SLIT1: variants seen among roughly 807,000 people sequenced by gnomAD.
The protein encoded by SLIT1 is slit homolog 1 protein.
SLIT1 carries 66 observed loss-of-function variants against 186.1 expected under a neutral mutation model. The observed-to-expected ratio is 0.35, with a 90% CI of 0.29 to 0.44. SLIT1 has a LOEUF of 0.44. Among genes scored for constraint, SLIT1 ranks in the 20% least tolerant of loss-of-function variants. The pLI, the probability that SLIT1 is intolerant of heterozygous loss-of-function variation, is 1.00. For synonymous variants in SLIT1, 761 were observed against 833.8 expected (o/e 0.91, Z 1.50); for missense variants, 1,638 against 2,037.4 (o/e 0.80, Z 3.77).
At chr10:97,048,034 A>G (rs1848750544) in intron 14 of SLIT1, 38 bp from the exon 15 acceptor site, 6 of 1,612,136 alleles carry the variant, frequency 3.7e-6, no homozygotes, top group Admixed American at 3.3e-5. Context: ...TGCAGGAATC[A>G]GCCAGGACCT....
chr10:97,036,674 G>C (rs1172610105), intron 22 of SLIT1, among the ~76,000 whole-genome samples: 1 of 152,216 alleles, frequency 6.6e-6, no homozygotes, highest in African/African-American at 2.4e-5. Context: ...ATGTGGGCCC[G>C]TAGATTGCAC....
intron 6 of SLIT1, 63 bp from the exon 7 acceptor site, chr10:97,064,302 C>T (rs946982702): frequency 2.4e-5 from 33 of 1,388,498 alleles, no homozygotes; most frequent in Admixed American, 1.4e-4. Flanking sequence ...GGGACAGGGC[C>T]GCCCTGCTAA....
intron 4 of SLIT1, among the ~76,000 whole-genome samples, chr10:97,150,760 T>G (rs188141236): frequency 7.8e-4 from 119 of 152,216 alleles, no homozygotes; most frequent in Admixed American, 1.4e-3. Context: ...CTCCCCAGAT[T>G]GGAGGCCAAG....
chr10:97,073,468 G>C (rs1334810912), intron 4 of SLIT1, among the ~76,000 whole-genome samples: 3 of 152,206 alleles, frequency 2.0e-5, no homozygotes, highest in Admixed American at 2.0e-4. Flanking sequence ...GCCAGGGCCT[G>C]TCCCAGCCCG....
At chr10:97,160,222 C>G (rs1850008415) in intron 3 of SLIT1, among the ~76,000 whole-genome samples, 1 of 152,180 alleles carries the variant, frequency 6.6e-6, no homozygotes, top group South Asian at 2.1e-4. Context: ...TAACTGCTCA[C>G]AAGAACCAGT....
chr10:97,139,976 TG>T (rs1409779412), intron 4 of SLIT1, among the ~76,000 whole-genome samples: 1 of 152,160 alleles, frequency 6.6e-6, no homozygotes, highest in Non-Finnish European at 1.5e-5. Flanking sequence ...GCCTCTGCTT[TG>T]TGCTGATTTC....
At chr10:97,033,470 G>T (rs1425546205) in intron 23 of SLIT1, among the ~76,000 whole-genome samples, 1 of 152,156 alleles carries the variant, frequency 6.6e-6, no homozygotes, top group African/African-American at 2.4e-5. Flanking sequence ...TGTTCAGAGG[G>T]TCACCGCTCA....
intron 28 of SLIT1, among the ~76,000 whole-genome samples, chr10:97,014,594 C>T (rs1455904216): frequency 2.6e-5 from 4 of 152,098 alleles, no homozygotes; most frequent in South Asian, 2.1e-4. Context: ...TGGCCAGGTG[C>T]GGTGGCTCAT....
chr10:97,092,817 G>A (rs1165927980), intron 4 of SLIT1, among the ~76,000 whole-genome samples: 2 of 152,236 alleles, frequency 1.3e-5, no homozygotes, highest in African/African-American at 4.8e-5. Flanking sequence ...AAAAATAGGA[G>A]TAACCAACAC....
Position 97,043,149 on chromosome 10 carries a change from C to T in SLIT1, c.1998-82G>A. The T allele has an allele frequency of 2.0e-6, 3 of 1,483,558 alleles. No individual in the cohort carries two copies. Among genetic ancestry groups the T allele is most frequent in the Non-Finnish European group, 2.8e-6 (3 of 1,086,624 alleles). 91.9% of individuals were successfully genotyped at this position (1,483,558 alleles called of 1,614,324 possible). On this transcript the variant is annotated intron_variant, in intron 19 of 36. Coordinates refer to ENST00000266058, the MANE Select transcript of SLIT1 (RefSeq NM_003061.3). This position sits in a 1 kb window ranked among gnomAD's most constrained non-coding sequence, Gnocchi z 7.0. ...GCAAACCCCTCCTGTACCACGGACA[C>T]AGGGCCACATGGCCACATGGCACTG...
At chr10:97,121,300 A>AC (rs1334348954) in intron 4 of SLIT1, among the ~76,000 whole-genome samples, 1 of 151,962 alleles carries the variant, frequency 6.6e-6, no homozygotes, top group African/African-American at 2.4e-5. Flanking sequence ...CAGTCGGCTT[A>AC]CCCCCTCCCT....
chr10:97,142,195 C>G (rs1447058828), intron 4 of SLIT1, among the ~76,000 whole-genome samples: 6 of 145,526 alleles, frequency 4.1e-5, no homozygotes, highest in Non-Finnish European at 6.1e-5. Flanking sequence ...TAAAAAAAAA[C>G]AAAGTTGGAA....
At chr10:97,158,882 G>GA (rs1453581738) in intron 3 of SLIT1, among the ~76,000 whole-genome samples, 1 of 150,212 alleles carries the variant, frequency 6.7e-6, no homozygotes, top group Non-Finnish European at 1.5e-5. Flanking sequence ...TCTCAGAGAA[G>GA]AAAAAAAAAG....
At position 97,052,611 on chromosome 10, in the gene SLIT1, T is replaced by C. The variant is rs115741395; in HGVS notation, c.1302-3493A>G. 3.9e-3 allele frequency among the ~76,000 whole-genome samples: 595 copies of C among 152,346 alleles called. 2 individuals are homozygous for C. Among genetic ancestry groups the C allele is most frequent in the African/African-American group, 0.014 (563 of 41,588 alleles). ...TTGTATACTTAGAACAGGTGAACTT[T>C]ATGGCATGTAAGTTATACCTCAATA... is the stretch of plus-strand genomic sequence containing the variant. On this transcript the variant is annotated intron_variant, in intron 13 of 36. Coordinates refer to ENST00000266058, the MANE Select transcript of SLIT1 (RefSeq NM_003061.3).
intron 11 of SLIT1, 69 bp downstream of exon 11, chr10:97,059,390 AC>A: frequency 7.8e-7 from 1 of 1,279,660 alleles, no homozygotes; most frequent in Non-Finnish European, 1.1e-6. Context: ...ATCCACCAGG[AC>A]CCTGGGCCCT....
At chr10:97,075,656 C>A (rs2134649454) in intron 4 of SLIT1, among the ~76,000 whole-genome samples, 1 of 152,286 alleles carries the variant, frequency 6.6e-6, no homozygotes. Flanking sequence ...GCCCGGGATT[C>A]CACTGCAGAT....
intron 4 of SLIT1, among the ~76,000 whole-genome samples, chr10:97,093,450 A>T (rs1354423733): frequency 6.6e-6 from 1 of 152,222 alleles, no homozygotes; most frequent in Admixed American, 6.5e-5. Context: ...TCTTTGAAGG[A>T]GGCTGACTCA....
intron 1 of SLIT1, among the ~76,000 whole-genome samples, chr10:97,173,016 CA>C (rs1176534979): frequency 1.3e-5 from 2 of 151,984 alleles, no homozygotes; most frequent in African/African-American, 4.8e-5. Flanking sequence ...GACATCACCC[CA>C]AAAAAGCTCC....
rs141718991 is a variant in SLIT1, at chr10:97,007,547, C to A, written c.3342-827G>T. Among the ~76,000 whole-genome samples, 635 of 152,206 alleles carry A rather than the reference C, an allele frequency of 4.2e-3. 3 individuals are homozygous for A. The highest frequency in any genetic ancestry group is 0.014 in the African/African-American group (591 of 41,540). On this transcript the variant is annotated intron_variant, in intron 31 of 36. Transcript: ENST00000266058. ...TAAATATTGTCACCAAAATCCTCAA[C>A]AAATTACTAGCTAATCAAGTACAGC...
Sources: gnomAD v4.1 joint callset for allele counts (sites outside exome capture counted in the v4.1 genomes callset) on GRCh38, gnomAD v4.1.1 for gene constraint, Gnocchi (gnomAD v3.1) non-coding constraint, MANE v1.5 for transcripts, NCBI Gene and HGNC (gene_info 2026-07-23, HGNC 2026-07-21) for gene names.